Variants in CDH12 observed in about 807,000 individuals in gnomAD.
CDH12 encodes cadherin-12.
A neutral mutation model predicts 74.1 loss-of-function variants in CDH12; 41 were observed. The ratio of observed to expected loss-of-function variants is 0.55; its 90% CI spans 0.43 to 0.72. The LOEUF (loss-of-function observed/expected upper bound fraction) is 0.72, where lower values mean the gene tolerates loss of function less well. Among genes scored for constraint, CDH12 ranks in the 30% least tolerant of loss-of-function variants. The probability of loss-of-function intolerance (pLI) is 0.00; values close to 1 mark genes in which losing one functional copy is unlikely to be tolerated. For synonymous variants in CDH12, 399 were observed against 355.0 expected (o/e 1.12, Z -1.39); for missense variants, 945 against 977.2 (o/e 0.97, Z 0.44).
At chr5:22,418,136 T>C (rs556187016) in intron 2 of CDH12, among the ~76,000 whole-genome samples, 19 of 152,316 alleles carry the variant, frequency 1.2e-4, no homozygotes, top group South Asian at 1.2e-3. Flanking sequence ...AGGTGGTTTG[T>C]AGTTCTCCTT....
chr5:22,820,394 G>C (rs906398571), intron 1 of CDH12, among the ~76,000 whole-genome samples: 1 of 151,988 alleles, frequency 6.6e-6, no homozygotes, highest in Non-Finnish European at 1.5e-5. Flanking sequence ...TTCCTGTACT[G>C]TTCTCATGAT....
intron 4 of CDH12, among the ~76,000 whole-genome samples, chr5:22,200,166 CA>C (rs1750846818): frequency 6.6e-6 from 1 of 151,908 alleles, no homozygotes; most frequent in Non-Finnish European, 1.5e-5. Context: ...TTAAATATAA[CA>C]GTGTAATTAT....
intron 3 of CDH12, among the ~76,000 whole-genome samples, chr5:22,247,007 C>T (rs769931525): frequency 5.6e-4 from 85 of 152,086 alleles, no homozygotes; most frequent in Non-Finnish European, 1.0e-3. Flanking sequence ...ATATCAATCA[C>T]CTCACTTATG....
intron 3 of CDH12, among the ~76,000 whole-genome samples, chr5:22,323,315 A>C (rs2920758): frequency 0.6 from 91,450 of 151,960 alleles, 28,399 homozygotes; most frequent in South Asian, 0.76. Flanking sequence ...ATATTAGATA[A>C]AAACATATGT....
At chr5:22,359,374 A>G (rs922347999) in intron 3 of CDH12, among the ~76,000 whole-genome samples, 10 of 152,200 alleles carry the variant, frequency 6.6e-5, no homozygotes, top group Admixed American at 6.5e-4. Flanking sequence ...CAACAAGAAG[A>G]GCTAACTATC....
At chr5:22,623,034 G>A (rs1321107190) in intron 1 of CDH12, among the ~76,000 whole-genome samples, 8 of 152,222 alleles carry the variant, frequency 5.3e-5, no homozygotes, top group Non-Finnish European at 1.0e-4. Flanking sequence ...ATCAATAAAC[G>A]TAATCAGCAT....
Position 22,716,154 on chromosome 5 carries a change from C to CA in CDH12, c.-523+136903dup, listed in dbSNP as rs558712759. 9.6e-4 allele frequency among the ~76,000 whole-genome samples: 146 copies of CA among 151,962 alleles called. 1 individual carries two copies. The highest frequency in any genetic ancestry group is 1.7e-3 in the Non-Finnish European group (118 of 67,896). ...TCTGTCTCAAAAACAAACAAACAAA[C>CA]AAAAAACATACATATAACTCAATGG... is the stretch of plus-strand genomic sequence containing the variant. On this transcript the variant is annotated intron_variant, in intron 1 of 14. Transcript: ENST00000382254.
At chr5:22,227,742 C>T (rs1393119780) in intron 3 of CDH12, among the ~76,000 whole-genome samples, 1 of 152,114 alleles carries the variant, frequency 6.6e-6, no homozygotes, top group African/African-American at 2.4e-5. Context: ...CCTCCAGTTG[C>T]CTGCATTCAC....
intron 6 of CDH12, chr5:21,882,656 C>G (rs528887733): frequency 6.2e-7 from 1 of 1,604,924 alleles, no homozygotes; most frequent in African/African-American, 1.3e-5. Context: ...TCATCTCACT[C>G]GAGCTTATGC....
intron 1 of CDH12, among the ~76,000 whole-genome samples, chr5:22,760,697 A>C (rs1370454129): frequency 8.6e-5 from 13 of 150,600 alleles, no homozygotes; most frequent in Non-Finnish European, 1.5e-4. Context: ...AAAAAAAAAA[A>C]AAACAAAAAA....
intron 1 of CDH12, among the ~76,000 whole-genome samples, chr5:22,684,277 C>G (rs1741647074): frequency 6.6e-6 from 1 of 152,118 alleles, no homozygotes; most frequent in African/African-American, 2.4e-5. Context: ...GGGTATCCAT[C>G]CCTCAAGCAT....
chr5:22,413,183 AT>A (rs1410766719), intron 2 of CDH12, among the ~76,000 whole-genome samples: 10 of 152,020 alleles, frequency 6.6e-5, no homozygotes, highest in Non-Finnish European at 1.2e-4. Flanking sequence ...AGAGATACAG[AT>A]TTGAGAATCA....
At chr5:22,060,437 T>C (rs1221329666) in intron 5 of CDH12, among the ~76,000 whole-genome samples, 1 of 152,150 alleles carries the variant, frequency 6.6e-6, no homozygotes, top group East Asian at 1.9e-4. Context: ...TATACCTATG[T>C]AACAAACCTA....
intron 6 of CDH12, among the ~76,000 whole-genome samples, chr5:21,969,377 G>C (rs973285224): frequency 6.6e-6 from 1 of 152,154 alleles, no homozygotes; most frequent in African/African-American, 2.4e-5. Flanking sequence ...CAGCTTTCTT[G>C]TATTCGCGTT....
At chr5:22,528,087 C>A (rs1007204961) in intron 1 of CDH12, among the ~76,000 whole-genome samples, 1 of 152,078 alleles carries the variant, frequency 6.6e-6, no homozygotes, top group Non-Finnish European at 1.5e-5. Context: ...TGTACCTAAC[C>A]TTTAGGGCCC....
At chr5:21,762,378 T>C (rs1579652934) in intron 12 of CDH12, among the ~76,000 whole-genome samples, 1 of 152,112 alleles carries the variant, frequency 6.6e-6, no homozygotes, top group Admixed American at 6.6e-5. Context: ...AATAAATAGA[T>C]GAAATGTAGA....
intron 5 of CDH12, among the ~76,000 whole-genome samples, chr5:21,998,119 C>T (rs901010906): frequency 3.5e-4 from 53 of 151,986 alleles, no homozygotes; most frequent in African/African-American, 1.2e-3. Context: ...ATATATTGAC[C>T]TTCATTCTTA....
intron 5 of CDH12, among the ~76,000 whole-genome samples, chr5:21,975,729 T>A (rs551628521): frequency 6.6e-6 from 1 of 152,134 alleles, no homozygotes; most frequent in East Asian, 1.9e-4. Flanking sequence ...TTTGAGGTGT[T>A]ACGAAGATCA....
At chr5:22,640,715 C>G (rs899858449) in intron 1 of CDH12, among the ~76,000 whole-genome samples, 19 of 152,060 alleles carry the variant, frequency 1.2e-4, no homozygotes, top group Non-Finnish European at 2.6e-4. Context: ...TTTCCTTTAC[C>G]TTACAAACCT....
Sources: gnomAD v4.1 joint callset for allele counts (sites outside exome capture counted in the v4.1 genomes callset) on GRCh38, gnomAD v4.1.1 for gene constraint, MANE v1.5 for transcripts, NCBI Gene and HGNC (gene_info 2026-07-23, HGNC 2026-07-21) for gene names.